The following ZFAT variants were observed in gnomAD, a reference collection of about 807,000 sequenced individuals.
ZFAT encodes zinc finger protein ZFAT.
In ZFAT, 64 loss-of-function variants were observed where a neutral mutation model predicts 117.7. The ratio of observed to expected loss-of-function variants is 0.54; its 90% CI spans 0.44 to 0.67. The LOEUF is 0.67. Ranked by LOEUF, ZFAT falls within the 30% of genes least tolerant of loss-of-function variation. ZFAT has a pLI of 0.00. For missense variants in ZFAT, 1,433 were observed against 1,584.5 expected (o/e 0.90, Z 1.62); for synonymous variants, 679 against 615.0 (o/e 1.10, Z -1.54).
At chr8:134,629,617 T>C (rs1179902718) in intron 3 of ZFAT, among the ~76,000 whole-genome samples, 1 of 152,196 alleles carries the variant, frequency 6.6e-6, no homozygotes, top group Non-Finnish European at 1.5e-5. Flanking sequence ...TCTCATGAGA[T>C]ATGATGGTTT....
chr8:134,728,706 T>G, the ZFAT span, among the ~76,000 whole-genome samples: 1 of 152,238 alleles, frequency 6.6e-6, no homozygotes, highest in Non-Finnish European at 1.5e-5. Context: ...TGATAACTTA[T>G]AGCAGCACTC....
intron 11 of ZFAT, among the ~76,000 whole-genome samples, chr8:134,542,166 A>G (rs904163090): frequency 4.6e-5 from 7 of 152,030 alleles, no homozygotes; most frequent in Non-Finnish European, 1.0e-4. Flanking sequence ...CTCTCCCTCT[A>G]TCCGGAACAC....
At chr8:134,735,512 A>G in the ZFAT span, among the ~76,000 whole-genome samples, 1 of 152,194 alleles carries the variant, frequency 6.6e-6, no homozygotes, top group Non-Finnish European at 1.5e-5. Flanking sequence ...ACAGTACTTG[A>G]CTATTTGGTA....
the ZFAT span, among the ~76,000 whole-genome samples, chr8:134,781,748 C>G: frequency 6.6e-6 from 1 of 152,052 alleles, no homozygotes; most frequent in Non-Finnish European, 1.5e-5. Flanking sequence ...CTAGATCAAC[C>G]CCCCTCTTCC....
intron 3 of ZFAT, among the ~76,000 whole-genome samples, chr8:134,623,861 A>G (rs913445950): frequency 6.6e-6 from 1 of 151,838 alleles, no homozygotes; most frequent in South Asian, 2.1e-4. Flanking sequence ...GAGCCACCAG[A>G]GAGCACCCAC....
At chr8:134,767,782 A>G in the ZFAT span, among the ~76,000 whole-genome samples, 4 of 152,156 alleles carry the variant, frequency 2.6e-5, no homozygotes, top group African/African-American at 9.7e-5. Flanking sequence ...CATTGTCTTT[A>G]GTTATCTACA....
At chr8:134,813,917 A>G in the ZFAT span, among the ~76,000 whole-genome samples, 1 of 152,132 alleles carries the variant, frequency 6.6e-6, no homozygotes, top group Non-Finnish European at 1.5e-5. Flanking sequence ...AGGGTATGGC[A>G]ACAAGTCATA....
chr8:134,554,916 GCCCAGA>G (rs369665511), intron 11 of ZFAT, among the ~76,000 whole-genome samples: 73 of 152,178 alleles, frequency 4.8e-4, no homozygotes, highest in African/African-American at 1.7e-3. Context: ...GTTGTTCAGA[GCCCAGA>G]CCCAGACCCA....
chr8:134,721,747 T>C, the ZFAT span, among the ~76,000 whole-genome samples: 1 of 152,170 alleles, frequency 6.6e-6, no homozygotes, highest in African/African-American at 2.4e-5. Flanking sequence ...CCGTGATTCT[T>C]ACATATTGTA....
At chr8:134,658,196 G>A (rs769145822) in intron 1 of ZFAT, among the ~76,000 whole-genome samples, 1 of 152,102 alleles carries the variant, frequency 6.6e-6, no homozygotes, top group Non-Finnish European at 1.5e-5. Flanking sequence ...AATTAGCCAG[G>A]CATGGCAGCG....
the ZFAT span, among the ~76,000 whole-genome samples, chr8:134,744,722 C>T: frequency 7.0e-6 from 1 of 142,238 alleles, no homozygotes; most frequent in Admixed American, 7.4e-5. Flanking sequence ...GAAGGGCCTA[C>T]TCTCCTTTTT....
the ZFAT span, among the ~76,000 whole-genome samples, chr8:134,822,859 T>C: frequency 6.6e-6 from 1 of 152,116 alleles, no homozygotes; most frequent in African/African-American, 2.4e-5. Flanking sequence ...AAAAAGCGGC[T>C]TCATTGACTT....
At chr8:134,621,682 T>C (rs1443960088) in intron 3 of ZFAT, among the ~76,000 whole-genome samples, 3 of 152,138 alleles carry the variant, frequency 2.0e-5, no homozygotes, top group African/African-American at 4.8e-5. Flanking sequence ...AATCTCAATA[T>C]AAATAATCTA....
the ZFAT span, among the ~76,000 whole-genome samples, chr8:134,789,672 C>G: frequency 3.3e-5 from 5 of 152,240 alleles, no homozygotes; most frequent in South Asian, 1.0e-3. Flanking sequence ...GCCTGGGGCC[C>G]TACTGATCTT....
chr8:134,513,392 C>A (rs1390221639), intron 13 of ZFAT, among the ~76,000 whole-genome samples: 2 of 152,088 alleles, frequency 1.3e-5, no homozygotes, highest in Non-Finnish European at 2.9e-5. Flanking sequence ...TTTTTAGTTT[C>A]ACCATGTTGG....
At chr8:134,749,615 T>G in the ZFAT span, among the ~76,000 whole-genome samples, 1 of 152,144 alleles carries the variant, frequency 6.6e-6, no homozygotes, top group South Asian at 2.1e-4. Context: ...ACACTAACAT[T>G]CAGACCAAAG....
intron 10 of ZFAT, among the ~76,000 whole-genome samples, chr8:134,575,322 G>A (rs922108418): frequency 6.6e-6 from 1 of 152,182 alleles, no homozygotes; most frequent in Admixed American, 6.5e-5. Flanking sequence ...GAAATCACAA[G>A]GGTCCTTATA....
chr8:134,817,800 G>A, the ZFAT span, among the ~76,000 whole-genome samples: 11 of 152,122 alleles, frequency 7.2e-5, no homozygotes, highest in African/African-American at 1.7e-4. Flanking sequence ...AATAATCAAC[G>A]CAGTGCAGCA....
chr8:134,817,394 T>TACACACAC, the ZFAT span, among the ~76,000 whole-genome samples: 282 of 126,060 alleles, frequency 2.2e-3, no homozygotes, highest in East Asian at 7.2e-3. Context: ...TCTCTCTCTC[T>TACACACAC]ACACACACAC....
Sources: allele counts gnomAD v4.1 joint callset (sites outside exome capture counted in the v4.1 genomes callset), GRCh38; gene constraint gnomAD v4.1.1; transcripts MANE v1.5; gene names NCBI Gene and HGNC (gene_info 2026-07-23, HGNC 2026-07-21).